CA5A: variants seen among roughly 807,000 people sequenced by gnomAD.
The protein encoded by CA5A is carbonic anhydrase 5A, mitochondrial.
A neutral mutation model predicts 37.1 loss-of-function variants in CA5A; 28 were observed. That is an observed-to-expected ratio of 0.75 (90% CI 0.56 to 1.03). The LOEUF (loss-of-function observed/expected upper bound fraction) is 1.03. Ranked by LOEUF, CA5A falls within the 50% of genes least tolerant of loss-of-function variation. The pLI is 0.00. For missense variants in CA5A, 444 were observed against 399.9 expected (o/e 1.11, Z -0.94); for synonymous variants, 171 against 158.4 (o/e 1.08, Z -0.60).
At chr16:87,900,657 C>T (rs535830097) in intron 5 of CA5A, among the ~76,000 whole-genome samples, 32 of 152,386 alleles carry the variant, frequency 2.1e-4, no homozygotes, top group African/African-American at 7.2e-4. Flanking sequence ...CTGTTGTCCC[C>T]ACCATCTTTT....
chr16:87,922,913 CTTCT>C (rs2056250538), intron 2 of CA5A, among the ~76,000 whole-genome samples: 2 of 152,262 alleles, frequency 1.3e-5, no homozygotes, highest in Admixed American at 1.3e-4. Flanking sequence ...TTCCCCAAGC[CTTCT>C]TTTTCACATC....
chr16:87,925,490 A>G (rs978668880), intron 2 of CA5A: 1 of 152,304 alleles, frequency 6.6e-6, no homozygotes, highest in African/African-American at 2.4e-5. Flanking sequence ...AGCTGTTCAC[A>G]TAGGCACCTG....
intron 1 of CA5A, 121 bp downstream of exon 1, chr16:87,936,188 A>AC: frequency 1.5e-6 from 1 of 672,324 alleles, no homozygotes; most frequent in Non-Finnish European, 2.6e-6. Flanking sequence ...AAAAAAAAAA[A>AC]AACGGAGTGG....
chr16:87,892,124 C>T (rs1597542232), intron 5 of CA5A, 170 bp from the exon 6 acceptor site: 1 of 542,644 alleles, frequency 1.8e-6, no homozygotes, highest in Non-Finnish European at 3.1e-6. Context: ...AAAATGTGAC[C>T]CTTCTATACA....
At chr16:87,929,397 A>G (rs941895095) in intron 1 of CA5A, among the ~76,000 whole-genome samples, 3 of 148,228 alleles carry the variant, frequency 2.0e-5, no homozygotes, top group Admixed American at 6.8e-5. Context: ...GATTGCAGTG[A>G]GCAGAGATGG....
In CA5A at chr16:87,891,915, G is replaced by C. The variant is rs1211151302; in HGVS notation, c.658C>G (p.Leu220Val). The change falls in exon 6 of 7, where the codon CTG becomes GTG. Residue 220 changes from leucine (L) to valine (V), a missense_variant. By Grantham distance (32) the Leu-to-Val change is conservative. Coordinates refer to ENST00000649794, the MANE Select transcript of CA5A (RefSeq NM_001739.2). Reference sequence around the variant, plus strand: ...CAGTAATCCCAGCAGGTGGGCAGCAGAGTGGAGGGGTCGAAGGGGCGCATG... The same window carrying C: ...CAGTAATCCCAGCAGGTGGGCAGCACAGTGGAGGGGTCGAAGGGGCGCATG... The part of the protein sequence containing the change: ...AAMRPFDPST[L>V]LPTCWDYWTY... 1 of 1,565,516 alleles carries C rather than the reference G, an allele frequency of 6.4e-7. No individual in the cohort carries two copies. The highest frequency in any genetic ancestry group is 2.4e-5 in the East Asian group (1 of 41,402).
At chr16:87,916,831 G>T (rs1241870556) in intron 2 of CA5A, among the ~76,000 whole-genome samples, 1 of 151,792 alleles carries the variant, frequency 6.6e-6, no homozygotes, top group African/African-American at 2.4e-5. Context: ...GGCTGGGCAT[G>T]GTGGCTCACG....
intron 1 of CA5A, 49 bp from the exon 2 acceptor site, chr16:87,926,994 G>C: frequency 7.7e-7 from 1 of 1,296,734 alleles, no homozygotes. Flanking sequence ...GCTTCATCCT[G>C]TGTCTTGGAC....
intron 1 of CA5A, among the ~76,000 whole-genome samples, chr16:87,931,345 C>A (rs902847904): frequency 6.6e-6 from 1 of 151,162 alleles, no homozygotes; most frequent in Non-Finnish European, 1.5e-5. Flanking sequence ...CTCCTGACTT[C>A]GGGTGATCCA....
rs1404451133 is a variant in CA5A at position 87,904,897 on chromosome 16, A to G, written c.348T>C (p.Ser116=). ...TGTAGTGGTTTTCCAAGGGCCCACC[A>G]CTAATTCCTGGAAATAAAGGCAGTG... ...FDDATEASGI[S]GGPLENHYRL... The change falls in exon 3 of 7, where the codon AGT becomes AGC. Residue 116 remains serine, a synonymous_variant. Transcript: ENST00000649794. 6 of 1,606,676 alleles carry G rather than the reference A, an allele frequency of 3.7e-6. 1 individual carries two copies. The South Asian group carries it at 5.5e-5, about 15-fold the overall frequency.
Position 87,908,058 on chromosome 16 carries a change from G to A in CA5A, c.341-3154C>T, listed in dbSNP as rs574449228. On this transcript the variant is annotated intron_variant, in intron 2 of 6. Coordinates refer to ENST00000649794, the MANE Select transcript of CA5A (RefSeq NM_001739.2). ...TCATGGGATGAATGAATACAGGAAC[G>A]AATGGGATTAGTCAGTCCACTGATT... 9.5e-4 allele frequency among the ~76,000 whole-genome samples: 144 copies of A among 152,290 alleles called. 1 individual carries two copies. The highest frequency in any genetic ancestry group is 8.9e-3 in the South Asian group (43 of 4,832).
intron 1 of CA5A, among the ~76,000 whole-genome samples, chr16:87,927,959 A>G (rs1232374378): frequency 6.6e-6 from 1 of 152,044 alleles, no homozygotes; most frequent in African/African-American, 2.4e-5. Flanking sequence ...TCTCTGTGCA[A>G]TAACCTCATG....
At chr16:87,904,755 A>G in intron 3 of CA5A, 31 bp downstream of exon 3, 1 of 1,284,580 alleles carries the variant, frequency 7.8e-7, no homozygotes, top group Non-Finnish European at 1.1e-6. Context: ...GAAAGTGTGC[A>G]GATATGTGCT....
At chr16:87,920,010 C>T (rs1322255207) in intron 2 of CA5A, among the ~76,000 whole-genome samples, 1 of 152,322 alleles carries the variant, frequency 6.6e-6, no homozygotes, top group Non-Finnish European at 1.5e-5. Flanking sequence ...TACCAGCATT[C>T]CCCATCCATG....
At chr16:87,917,336 C>G (rs1237826637) in intron 2 of CA5A, among the ~76,000 whole-genome samples, 2 of 152,156 alleles carry the variant, frequency 1.3e-5, no homozygotes, top group Non-Finnish European at 1.5e-5. Context: ...AGAGTCACTG[C>G]TCTGGGAATT....
At chr16:87,933,879 A>C (rs1034129379) in intron 1 of CA5A, among the ~76,000 whole-genome samples, 46 of 152,330 alleles carry the variant, frequency 3.0e-4, no homozygotes, top group Admixed American at 2.0e-3. Flanking sequence ...TTGGCAGAAT[A>C]TTCTGCTCTT....
intron 1 of CA5A, among the ~76,000 whole-genome samples, chr16:87,931,348 G>T (rs577723629): frequency 6.6e-6 from 1 of 151,426 alleles, no homozygotes; most frequent in Admixed American, 6.6e-5. Context: ...CTGACTTCGG[G>T]TGATCCACCT....
At chr16:87,896,244 T>A (rs1249110361) in intron 5 of CA5A, among the ~76,000 whole-genome samples, 1 of 152,214 alleles carries the variant, frequency 6.6e-6, no homozygotes, top group Non-Finnish European at 1.5e-5. Flanking sequence ...TCCCCAAGGC[T>A]GCAGGAATCA....
chr16:87,926,909 C>G lies in CA5A; in HGVS notation c.179G>C (p.Gly60Ala), dbSNP rs1376249097. The G allele has an allele frequency of 1.2e-6, 2 of 1,603,188 alleles. No individual in the cohort carries two copies. The highest frequency in any genetic ancestry group is 2.7e-5 in the African/African-American group (2 of 74,862). ...PLWTVPVSVPGGTRQSPINIQ... is the reference protein window; with the variant it reads ...PLWTVPVSVPAGTRQSPINIQ... ...GTTAATAGGAGACTGCCGGGTGCCC[C>G]CTGGCACGGAGACCGGGACCGTCCA... is the stretch of plus-strand genomic sequence containing the variant. The change falls in exon 2 of 7, where the codon GGG becomes GCG. Residue 60 changes from glycine (G) to alanine (A), a missense_variant. Coordinates refer to ENST00000649794, the MANE Select transcript of CA5A (RefSeq NM_001739.2).
Sources: allele counts gnomAD v4.1 joint callset (sites outside exome capture counted in the v4.1 genomes callset), GRCh38; gene constraint gnomAD v4.1.1; transcripts MANE v1.5; gene names NCBI Gene and HGNC (gene_info 2026-07-23, HGNC 2026-07-21).